The following PRH1 variants were observed in gnomAD, a reference collection of about 807,000 sequenced individuals.
The protein encoded by PRH1 is salivary acidic proline-rich phosphoprotein 1/2.
PRH1 carries 7 observed loss-of-function variants against 7.9 expected under a neutral mutation model. That is an observed-to-expected ratio of 0.89 (90% CI 0.50 to 1.67). PRH1 has a LOEUF of 1.67. PRH1 is among the 40% of genes most tolerant of loss of function. The pLI is 0.00. For synonymous variants in PRH1, 45 were observed against 80.8 expected, an observed-to-expected ratio of 0.56 and a Z score of 2.38; for missense variants, 109 against 223.6, an observed-to-expected ratio of 0.49 and a Z score of 3.27.
chr12:11,017,908 T>C (rs944732819), intron 1 of PRH1, among the ~76,000 whole-genome samples: 7 of 152,170 alleles, frequency 4.6e-5, no homozygotes, highest in African/African-American at 1.7e-4. Flanking sequence ...CAGTAGAGGA[T>C]ATTGCTCTGA....
At chr12:11,164,461 T>C (rs1205064368) in intron 1 of PRH1, among the ~76,000 whole-genome samples, 30 of 152,244 alleles carry the variant, frequency 2.0e-4, no homozygotes. Context: ...ATGTTTATTA[T>C]GAAAATTGGC....
At chr12:11,107,295 A>T (rs2597960) in intron 1 of PRH1, among the ~76,000 whole-genome samples, 3 of 152,030 alleles carry the variant, frequency 2.0e-5, no homozygotes, top group Non-Finnish European at 4.4e-5. Context: ...ACAACCACAC[A>T]TGGCTGAGAA....
upstream of PRH1, chr12:11,048,968 G>C (rs2708391): frequency 2.8e-3 from 740 of 263,040 alleles, 6 homozygotes; most frequent in African/African-American, 0.016. Flanking sequence ...GTAACACCCA[G>C]ATGCTGAAAT....
At chr12:10,931,105 C>T in intron 2 of PRH1, 1 of 1,572,202 alleles carries the variant, frequency 6.4e-7, no homozygotes. Flanking sequence ...TATTATCCAT[C>T]AAAGGCTCCA....
chr12:11,094,371 T>G (rs115789409), intron 1 of PRH1, among the ~76,000 whole-genome samples: 2,051 of 108,936 alleles, frequency 0.019, 450 homozygotes, highest in South Asian at 0.031. Context: ...AATGTAGGTT[T>G]GGAGGGTTTT....
Position 10,939,556 on chromosome 12 carries a change from T to G in PRH1, c.-59+34099A>C, listed in dbSNP as rs980353078. Reference sequence around the variant, plus strand: ...TTATTTTCATTGGTTTGTGTGTTTTTTTTTTTTTTTTTTGTCTTATCTACA... The same window carrying G: ...TTATTTTCATTGGTTTGTGTGTTTTGTTTTTTTTTTTTTGTCTTATCTACA... On this transcript the variant is annotated intron_variant, in intron 2 of 3. Coordinates refer to the PRH1 transcript ENST00000539853. 1.8e-4 allele frequency among the ~76,000 whole-genome samples: 27 copies of G among 150,348 alleles called. 1 individual carries two copies. The highest frequency in any genetic ancestry group is 8.4e-4 in the South Asian group (4 of 4,788).
chr12:10,920,904 T>C (rs961041313), intron 2 of PRH1, among the ~76,000 whole-genome samples: 2 of 152,252 alleles, frequency 1.3e-5, no homozygotes, highest in South Asian at 2.1e-4. Context: ...TATTTAAACT[T>C]GGTTTGGGTA....
At chr12:10,896,386 T>C (rs1336493442) in intron 2 of PRH1, among the ~76,000 whole-genome samples, 1 of 152,214 alleles carries the variant, frequency 6.6e-6, no homozygotes, top group Non-Finnish European at 1.5e-5. Flanking sequence ...ACCTCACTAA[T>C]GCAGATTATT....
intron 2 of PRH1, among the ~76,000 whole-genome samples, chr12:10,946,855 T>C (rs115366413): frequency 0.02 from 3,011 of 152,306 alleles, 35 homozygotes; most frequent in South Asian, 0.032. Context: ...CTTATTATTT[T>C]TATAGAACTT....
chr12:10,931,023 C>G (rs1565479266), intron 2 of PRH1: 8 of 1,592,386 alleles, frequency 5.0e-6, no homozygotes, highest in Non-Finnish European at 5.1e-6. Flanking sequence ...CCCAAGGGGG[C>G]CGCCCACAAG....
At chr12:11,092,435 G>C in intron 1 of PRH1, 2 of 309,316 alleles carry the variant, frequency 6.5e-6, no homozygotes, top group Non-Finnish European at 1.3e-5. Flanking sequence ...CTTCCACAGA[G>C]TGAAAGGCAA....
At chr12:11,129,836 A>C (rs1282912910) in intron 1 of PRH1, among the ~76,000 whole-genome samples, 1 of 152,288 alleles carries the variant, frequency 6.6e-6, no homozygotes, top group African/African-American at 2.4e-5. Flanking sequence ...TTTTTAAAAC[A>C]TCCTGCCAGT....
chr12:11,024,382 C>T (rs997504102), intron 1 of PRH1, among the ~76,000 whole-genome samples: 2 of 152,244 alleles, frequency 1.3e-5, no homozygotes, highest in Non-Finnish European at 2.9e-5. Flanking sequence ...ATGCCACTTT[C>T]TAATTCCCTA....
In PRH1 at chr12:10,908,440, T is replaced by C. The variant is rs1312961152; in HGVS notation, c.-58-24165A>G. ...ACCAAAAGAAAGGCCTGTCTTAACT[T>C]AGCGTTTCCTAGAATCAGAAGAAAG... On this transcript the variant is annotated intron_variant, in intron 2 of 3. Transcript: ENST00000539853. 5.6e-6 allele frequency: 9 copies of C among 1,613,702 alleles called. No individual in the cohort carries two copies. In the African/African-American group the frequency reaches 1.1e-4, roughly 19 times the overall value.
At chr12:10,994,761 T>C (rs1940131104) in intron 1 of PRH1, among the ~76,000 whole-genome samples, 1 of 151,984 alleles carries the variant, frequency 6.6e-6, no homozygotes, top group Non-Finnish European at 1.5e-5. Flanking sequence ...AAATACTAAA[T>C]AAAGATTATA....
chr12:10,928,543 T>C (rs747312110), intron 2 of PRH1, among the ~76,000 whole-genome samples: 1 of 152,208 alleles, frequency 6.6e-6, no homozygotes, highest in South Asian at 2.1e-4. Context: ...CCTAAAGATA[T>C]TTTTTAAAAT....
At chr12:11,092,404 G>T in intron 1 of PRH1, 1 of 344,516 alleles carries the variant, frequency 2.9e-6, no homozygotes. Context: ...AAGGTTTATT[G>T]AGAAGAGAGA....
At chr12:10,892,081 C>T (rs978038812) in intron 2 of PRH1, among the ~76,000 whole-genome samples, 2 of 152,150 alleles carry the variant, frequency 1.3e-5, no homozygotes, top group African/African-American at 4.8e-5. Flanking sequence ...CGTAAAAAGG[C>T]ATTCAATAGG....
intron 1 of PRH1, chr12:10,997,234 T>C (rs1215677022): frequency 6.2e-7 from 1 of 1,614,006 alleles, no homozygotes; most frequent in Admixed American, 1.7e-5. Context: ...CTTGAGATCC[T>C]TTGCCATGGA....
Sources: allele counts gnomAD v4.1 joint callset (sites outside exome capture counted in the v4.1 genomes callset), GRCh38; gene constraint gnomAD v4.1.1; transcripts MANE v1.5; gene names NCBI Gene and HGNC (gene_info 2026-07-23, HGNC 2026-07-21).